PCBP3: variants seen among roughly 807,000 people sequenced by gnomAD.
PCBP3 encodes the protein poly(rC)-binding protein 3.
In PCBP3, 25 loss-of-function variants were observed where a neutral mutation model predicts 52.7. The observed-to-expected ratio is 0.47, with a 90% CI of 0.35 to 0.66. The LOEUF (loss-of-function observed/expected upper bound fraction) is 0.66, where lower values mean the gene tolerates loss of function less well. Ranked by LOEUF, PCBP3 falls within the 30% of genes least tolerant of loss-of-function variation. The pLI, the probability that PCBP3 is intolerant of heterozygous loss-of-function variation, is 0.01. For missense variants in PCBP3, 391 were observed against 490.3 expected (o/e 0.80, Z 1.91); for synonymous variants, 162 against 183.0 (o/e 0.89, Z 0.93).
chr21:45,896,933 A>G (rs1400937451), intron 6 of PCBP3, among the ~76,000 whole-genome samples: 28 of 107,056 alleles, frequency 2.6e-4, no homozygotes, highest in African/African-American at 1.1e-3. Context: ...AAAGGCGGAC[A>G]TGGCACATAG....
intron 2 of PCBP3, among the ~76,000 whole-genome samples, chr21:45,720,290 A>G (rs937443416): frequency 5.3e-5 from 8 of 151,322 alleles, no homozygotes; most frequent in Non-Finnish European, 8.8e-5. Context: ...TCATTGTTCA[A>G]CTCCCACTTA....
chr21:45,778,416 G>A (rs1362724479), intron 4 of PCBP3, among the ~76,000 whole-genome samples: 1 of 152,180 alleles, frequency 6.6e-6, no homozygotes, highest in Non-Finnish European at 1.5e-5. Flanking sequence ...GTCTTGCTTG[G>A]ATACTGGTAA....
At position 45,817,062 on chromosome 21, in the gene PCBP3, G is replaced by T. The variant is rs1370270948; in HGVS notation, c.-125-32899G>T. On this transcript the variant is annotated intron_variant, in intron 4 of 17. Transcript: ENST00000681687. This position sits in a 1 kb window ranked among gnomAD's most constrained non-coding sequence, Gnocchi z 4.3. ...CACGTCTGTTGTTGCCTGAAATGCC[G>T]TTGTGTGGCACGTGACTATATATGC... Among the ~76,000 whole-genome samples the T allele has an allele frequency of 6.6e-6, 1 of 152,162 alleles. No homozygotes were observed. The highest frequency in any genetic ancestry group is 1.5e-5 in the Non-Finnish European group (1 of 68,036).
chr21:45,860,592 A>G (rs868062521), intron 5 of PCBP3, among the ~76,000 whole-genome samples: 8 of 152,236 alleles, frequency 5.3e-5, no homozygotes, highest in African/African-American at 1.4e-4. Flanking sequence ...GACAGCCCCA[A>G]GGTAGAAAAC....
intron 5 of PCBP3, among the ~76,000 whole-genome samples, chr21:45,876,164 G>T (rs1339503668): frequency 1.3e-5 from 2 of 152,252 alleles, no homozygotes; most frequent in East Asian, 3.8e-4. Context: ...CTGCCCTTAG[G>T]CAGGCGAGTC....
chr21:45,900,665 G>A, intron 8 of PCBP3, 42 bp downstream of exon 8: 1 of 1,303,146 alleles, frequency 7.7e-7, no homozygotes, highest in Non-Finnish European at 1.1e-6. Context: ...CCATTCCCGG[G>A]TGGGCGGGGT....
At position 45,802,009 on chromosome 21, in the gene PCBP3, C is replaced by T. The variant is rs1177472620; in HGVS notation, c.-126+46557C>T. Among the ~76,000 whole-genome samples, 2 of 152,138 alleles carry T rather than the reference C, an allele frequency of 1.3e-5. No individual in the cohort carries two copies. Among genetic ancestry groups the T allele is most frequent in the African/African-American group, 4.8e-5 (2 of 41,426 alleles). ...CGGTTGTCCTGTGACACTGACTGTC[C>T]CTCTGTGGCTCTCGGGGTCTCCCCT... On this transcript the variant is annotated intron_variant, in intron 4 of 17. Transcript: ENST00000681687. This position sits in a 1 kb window ranked among gnomAD's most constrained non-coding sequence, Gnocchi z 5.1.
chr21:45,902,046 G>A (rs560562824), intron 9 of PCBP3, among the ~76,000 whole-genome samples: 1 of 152,356 alleles, frequency 6.6e-6, no homozygotes, highest in South Asian at 2.1e-4. Context: ...AGGCAGGAGG[G>A]GGAGCTTGGG....
At chr21:45,780,189 G>A (rs557038854) in intron 4 of PCBP3, among the ~76,000 whole-genome samples, 31 of 152,200 alleles carry the variant, frequency 2.0e-4, no homozygotes, top group Non-Finnish European at 3.8e-4. Context: ...CTTTGTGACC[G>A]TGTGATCTTG....
intron 4 of PCBP3, among the ~76,000 whole-genome samples, chr21:45,795,546 A>G (rs763567938): frequency 6.6e-6 from 1 of 152,230 alleles, no homozygotes; most frequent in Non-Finnish European, 1.5e-5. Flanking sequence ...AAGCATACTG[A>G]TTAAAAAGTA....
At chr21:45,892,438 G>A (rs1386580296) in intron 5 of PCBP3, among the ~76,000 whole-genome samples, 1 of 151,736 alleles carries the variant, frequency 6.6e-6, no homozygotes, top group Non-Finnish European at 1.5e-5. Flanking sequence ...GCAAGTGCAC[G>A]TGAGGGGCGC....
intron 5 of PCBP3, among the ~76,000 whole-genome samples, chr21:45,873,873 A>G (rs1483779842): frequency 6.6e-6 from 1 of 152,150 alleles, no homozygotes; most frequent in Non-Finnish European, 1.5e-5. Context: ...TCAGCTCACT[A>G]TACCCTCCAC....
chr21:45,655,841 A>G (rs541111503), intron 1 of PCBP3, among the ~76,000 whole-genome samples: 1 of 152,332 alleles, frequency 6.6e-6, no homozygotes, highest in Admixed American at 6.5e-5. Context: ...AAAGTGGGCA[A>G]GGCATATGAA....
At chr21:45,902,043 AG>A (rs1229313584) in intron 9 of PCBP3, among the ~76,000 whole-genome samples, 1 of 152,118 alleles carries the variant, frequency 6.6e-6, no homozygotes, top group African/African-American at 2.4e-5. Context: ...GGCAGGCAGG[AG>A]GGGGAGCTTG....
chr21:45,916,188 G>A (rs1262606598), intron 12 of PCBP3: 1 of 152,280 alleles, frequency 6.6e-6, no homozygotes, highest in African/African-American at 2.4e-5. Context: ...TTGAGCTCTT[G>A]TGGTTCAGCT....
intron 14 of PCBP3, 53 bp downstream of exon 14, chr21:45,930,048 T>A: frequency 7.6e-7 from 1 of 1,319,994 alleles, no homozygotes; most frequent in East Asian, 2.3e-5. Flanking sequence ...GGGGACTTTC[T>A]CTTTCTGAGC....
intron 5 of PCBP3, among the ~76,000 whole-genome samples, chr21:45,860,633 C>T (rs1204386306): frequency 1.3e-5 from 2 of 152,212 alleles, no homozygotes; most frequent in Non-Finnish European, 2.9e-5. Flanking sequence ...CGAAGCCCAC[C>T]TGAAAGAGCC....
Position 45,904,461 on chromosome 21 carries a change from A to C in PCBP3, c.339+3348A>C, listed in dbSNP as rs897173260. Among the ~76,000 whole-genome samples, 12 of 151,442 alleles carry C rather than the reference A, an allele frequency of 7.9e-5. No individual in the cohort carries two copies. The highest frequency in any genetic ancestry group is 2.9e-4 in the African/African-American group (12 of 41,168). On this transcript the variant is annotated intron_variant, in intron 9 of 17. Coordinates refer to ENST00000681687, the MANE Select transcript of PCBP3 (RefSeq NM_001384156.1). The surrounding 1 kb of genome is among the most constrained non-coding windows in gnomAD (Gnocchi z 4.8). ...GAAGCTCGAGGGATTTGGAGTTTTCATCTTTTGGTCCTTCGGTTTTTCCAG... is the reference window on the plus strand; with the variant it reads ...GAAGCTCGAGGGATTTGGAGTTTTCCTCTTTTGGTCCTTCGGTTTTTCCAG...
chr21:45,790,911 AAG>A (rs1484842070), intron 4 of PCBP3, among the ~76,000 whole-genome samples: 2 of 152,192 alleles, frequency 1.3e-5, no homozygotes, highest in African/African-American at 2.4e-5. Flanking sequence ...TACAAAGGAA[AAG>A]AGAGTAGTAG....
Sources: gnomAD v4.1 joint callset for allele counts (sites outside exome capture counted in the v4.1 genomes callset) on GRCh38, gnomAD v4.1.1 for gene constraint, Gnocchi (gnomAD v3.1) non-coding constraint, MANE v1.5 for transcripts, NCBI Gene and HGNC (gene_info 2026-07-23, HGNC 2026-07-21) for gene names.